The following RANGAP1 variants were observed in gnomAD, a reference collection of about 807,000 sequenced individuals.
The protein encoded by RANGAP1 is Ran GTPase activating protein 1.
Under a neutral mutation model 63.5 loss-of-function variants are expected in RANGAP1, and 38 were observed. That is an observed-to-expected ratio of 0.60 (90% confidence interval 0.46 to 0.78). The LOEUF (loss-of-function observed/expected upper bound fraction) is 0.78. Among genes scored for constraint, RANGAP1 ranks in the 30% least tolerant of loss-of-function variants. RANGAP1 has a pLI of 0.00. For missense variants in RANGAP1, 630 were observed against 740.3 expected (o/e 0.85, Z 1.73); for synonymous variants, 329 against 310.5 (o/e 1.06, Z -0.63).
At chr22:41,294,286 G>A in the RANGAP1 span, among the ~76,000 whole-genome samples, 2 of 152,242 alleles carry the variant, frequency 1.3e-5, no homozygotes, top group Admixed American at 1.3e-4. Flanking sequence ...GCTCCTAACC[G>A]CGAGTGATGC....
At chr22:41,269,773 T>G (rs1028617736) in intron 3 of RANGAP1, among the ~76,000 whole-genome samples, 1 of 151,468 alleles carries the variant, frequency 6.6e-6, no homozygotes, top group Non-Finnish European at 1.5e-5. Context: ...AGAGAAAAAT[T>G]TGAATGTTCC....
intron 12 of RANGAP1, 42 bp downstream of exon 12, chr22:41,252,830 G>T: frequency 6.7e-7 from 1 of 1,496,350 alleles, no homozygotes; most frequent in Non-Finnish European, 8.9e-7. Context: ...AGCTCCAGAA[G>T]CCACAGCACG....
At chr22:41,258,909 C>A (rs1250608933) in intron 6 of RANGAP1, among the ~76,000 whole-genome samples, 1 of 152,208 alleles carries the variant, frequency 6.6e-6, no homozygotes, top group Admixed American at 6.5e-5. Flanking sequence ...GCTTCCTCGG[C>A]CTCTCAAAGT....
chr22:41,254,646 G>A, intron 10 of RANGAP1, 152 bp from the exon 11 acceptor site: 9 of 1,478,018 alleles, frequency 6.1e-6, no homozygotes, highest in African/African-American at 1.4e-5. Context: ...AGGGGCAGGT[G>A]GATCACCAGG....
At chr22:41,298,087 A>G in the RANGAP1 span, among the ~76,000 whole-genome samples, 1 of 150,880 alleles carries the variant, frequency 6.6e-6, no homozygotes. Context: ...CGAACTCCCT[A>G]CCTCAGGTGA....
the RANGAP1 span, among the ~76,000 whole-genome samples, chr22:41,292,845 T>A: frequency 3.9e-5 from 6 of 152,152 alleles, no homozygotes; most frequent in African/African-American, 1.4e-4. Flanking sequence ...GGCTCACGCC[T>A]GTATTCCCAA....
At chr22:41,277,862 A>G (rs888211490) in intron 2 of RANGAP1, among the ~76,000 whole-genome samples, 2 of 152,024 alleles carry the variant, frequency 1.3e-5, no homozygotes, top group African/African-American at 4.8e-5. Context: ...GTATATTCAC[A>G]TTTTGCCTTC....
intron 8 of RANGAP1, 75 bp downstream of exon 8, chr22:41,256,636 C>G (rs1250878773): frequency 5.9e-6 from 8 of 1,345,228 alleles, no homozygotes; most frequent in African/African-American, 5.8e-5. Flanking sequence ...TGCCTTCAGA[C>G]CAGACCCCTG....
chr22:41,284,031 G>A (rs1023862288), intron 1 of RANGAP1, among the ~76,000 whole-genome samples: 2 of 150,652 alleles, frequency 1.3e-5, no homozygotes, highest in African/African-American at 4.9e-5. Flanking sequence ...GGCGGATCAC[G>A]AGGTCAGGAG....
At chr22:41,290,155 A>T (rs530739696), upstream of RANGAP1, among the ~76,000 whole-genome samples, 1 of 150,914 alleles carries the variant, frequency 6.6e-6, no homozygotes, top group African/African-American at 2.5e-5. Flanking sequence ...AAGAAAAAAA[A>T]AAAAGAGAGA....
intron 11 of RANGAP1, among the ~76,000 whole-genome samples, chr22:41,253,628 A>G (rs1462577449): frequency 6.6e-6 from 1 of 152,188 alleles, no homozygotes; most frequent in East Asian, 1.9e-4. Context: ...CATCCCAGGA[A>G]TGGGGGAGTG....
the RANGAP1 span, among the ~76,000 whole-genome samples, chr22:41,293,775 A>G: frequency 4.6e-5 from 4 of 86,564 alleles, no homozygotes; most frequent in African/African-American, 8.4e-5. Flanking sequence ...AAAAAAAAAA[A>G]AAAAAAGAAA....
the RANGAP1 span, among the ~76,000 whole-genome samples, chr22:41,293,769 A>G: frequency 1.1e-4 from 13 of 123,198 alleles, no homozygotes; most frequent in Non-Finnish European, 2.2e-4. Flanking sequence ...TCAAAAAAAA[A>G]AAAAAAAAAA....
chr22:41,300,040 C>G, the RANGAP1 span, among the ~76,000 whole-genome samples: 1 of 151,290 alleles, frequency 6.6e-6, no homozygotes, highest in East Asian at 2.0e-4. Context: ...CGTGAGCTAC[C>G]GCGCCCGGCC....
chr22:41,249,666 G>C, intron 14 of RANGAP1, 63 bp downstream of exon 14: 4 of 1,566,764 alleles, frequency 2.6e-6, no homozygotes, highest in Non-Finnish European at 3.5e-6. Context: ...GGCATGGCTG[G>C]GGCAGCTTCT....
At chr22:41,292,342 G>T in the RANGAP1 span, among the ~76,000 whole-genome samples, 2 of 151,196 alleles carry the variant, frequency 1.3e-5, no homozygotes, top group South Asian at 2.1e-4. Context: ...AGAGATCGGG[G>T]TTTCACCCTG....
intron 4 of RANGAP1, among the ~76,000 whole-genome samples, chr22:41,267,386 G>C (rs2034543607): frequency 1.3e-5 from 2 of 152,124 alleles, no homozygotes; most frequent in African/African-American, 4.8e-5. Context: ...GAGGGGCTCA[G>C]TAACATCAAT....
chr22:41,283,477 C>T (rs1246330483), intron 1 of RANGAP1, among the ~76,000 whole-genome samples: 1 of 152,108 alleles, frequency 6.6e-6, no homozygotes, highest in African/African-American at 2.4e-5. Flanking sequence ...CCATTGCATT[C>T]CAGCCTGGCG....
In RANGAP1 at chr22:41,264,640, C is replaced by T. The variant is rs574723088; in HGVS notation, c.480+24G>A. The T allele has an allele frequency of 8.2e-5, 131 of 1,601,348 alleles. 2 individuals carry two copies. In the South Asian group the frequency reaches 1.1e-3, roughly 14 times the overall value. ...GATGTGGATGGACCAGGGGACTCTG[C>T]GGGGAGGGGGCTGCCACACCCACCT... On this transcript the variant is annotated intron_variant, in intron 5 of 15. Transcript: ENST00000356244.
Sources: gnomAD v4.1 joint callset for allele counts (sites outside exome capture counted in the v4.1 genomes callset) on GRCh38, gnomAD v4.1.1 for gene constraint, MANE v1.5 for transcripts, NCBI Gene and HGNC (gene_info 2026-07-23, HGNC 2026-07-21) for gene names.